Variants in RASAL2 observed in about 807,000 individuals in gnomAD.
The protein encoded by RASAL2 is ras GTPase-activating protein nGAP.
Under a neutral mutation model 128.9 loss-of-function variants are expected in RASAL2, and 58 were observed. That is an observed-to-expected ratio of 0.45 (90% CI 0.36 to 0.56). RASAL2 has a LOEUF of 0.56. RASAL2 is among the 20% of genes least tolerant of loss of function. The pLI, the probability that RASAL2 is intolerant of heterozygous loss-of-function variation, is 0.00. For synonymous variants in RASAL2, 561 were observed against 580.8 expected (o/e 0.97, Z 0.49); for missense variants, 1,360 against 1,601.6 (o/e 0.85, Z 2.57).
intron 2 of RASAL2, among the ~76,000 whole-genome samples, chr1:178,297,389 G>A (rs926872747): frequency 6.6e-6 from 1 of 151,474 alleles, no homozygotes. Flanking sequence ...ATCACCTGAG[G>A]TCAGGAGTTT....
At chr1:178,133,234 G>A (rs191070239) in intron 1 of RASAL2, among the ~76,000 whole-genome samples, 1 of 152,252 alleles carries the variant, frequency 6.6e-6, no homozygotes, top group Admixed American at 6.5e-5. Flanking sequence ...TAGTAAACTT[G>A]TCTGAGGCAT....
chr1:178,138,978 GT>G (rs889665586), intron 1 of RASAL2, among the ~76,000 whole-genome samples: 1 of 151,934 alleles, frequency 6.6e-6, no homozygotes, highest in African/African-American at 2.4e-5. Context: ...CACAAAGCAT[GT>G]TTTATTGGAC....
At chr1:178,117,474 G>A (rs1341489613) in intron 1 of RASAL2, among the ~76,000 whole-genome samples, 1 of 152,172 alleles carries the variant, frequency 6.6e-6, no homozygotes, top group Non-Finnish European at 1.5e-5. Context: ...TATAAATAAA[G>A]CACAATTAGG....
intron 2 of RASAL2, among the ~76,000 whole-genome samples, chr1:178,294,502 G>A (rs1051815013): frequency 1.3e-5 from 2 of 152,216 alleles, no homozygotes; most frequent in African/African-American, 4.8e-5. Flanking sequence ...TTAATTAAGA[G>A]ATAAATAGAG....
intron 1 of RASAL2, among the ~76,000 whole-genome samples, chr1:178,153,999 C>G (rs1660996893): frequency 6.6e-6 from 1 of 152,018 alleles, no homozygotes; most frequent in South Asian, 2.1e-4. Context: ...CCACGCCTGG[C>G]TAATTTTTGT....
intron 1 of RASAL2, among the ~76,000 whole-genome samples, chr1:178,281,136 C>T (rs1243670026): frequency 1.3e-5 from 2 of 151,584 alleles, no homozygotes; most frequent in African/African-American, 2.4e-5. Flanking sequence ...TTTTTTCCCC[C>T]CTTGGTATAC....
intron 3 of RASAL2, among the ~76,000 whole-genome samples, chr1:178,322,373 A>G (rs953475350): frequency 6.6e-6 from 1 of 151,954 alleles, no homozygotes. Context: ...ACCTATATTC[A>G]TGTTTCCAAA....
intron 1 of RASAL2, among the ~76,000 whole-genome samples, chr1:178,208,604 G>C (rs1302012255): frequency 6.6e-6 from 1 of 152,172 alleles, no homozygotes; most frequent in Non-Finnish European, 1.5e-5. Context: ...CAGTAGTTCT[G>C]CTTTTGCCCT....
At chr1:178,215,970 T>G (rs1426896062) in intron 1 of RASAL2, among the ~76,000 whole-genome samples, 1 of 152,230 alleles carries the variant, frequency 6.6e-6, no homozygotes, top group Non-Finnish European at 1.5e-5. Flanking sequence ...ATCTATTCAG[T>G]GGAACATATT....
intron 1 of RASAL2, among the ~76,000 whole-genome samples, chr1:178,173,607 C>CT (rs746436850): frequency 6.6e-6 from 1 of 152,152 alleles, no homozygotes; most frequent in Non-Finnish European, 1.5e-5. Flanking sequence ...ATGATGGAGT[C>CT]TAACAGGTAT....
At position 178,094,320 on chromosome 1, in the gene RASAL2, G is replaced by T; in HGVS notation, c.-173G>T. On this transcript the variant is annotated 5_prime_UTR_variant, in exon 1 of 18. Coordinates refer to ENST00000367649, the MANE Select transcript of RASAL2 (RefSeq NM_170692.4). ...ACTGCAGGTGGGCTGCATCGCCCGA[G>T]CCTCGGGCAGTGGGCGACGGGGAAG... 4.9e-6 allele frequency: 3 copies of T among 608,242 alleles called. No individual in the cohort carries two copies. Among genetic ancestry groups the T allele is most frequent in the Non-Finnish European group, 8.2e-6 (3 of 367,738 alleles). 37.7% of individuals were successfully genotyped at this position (608,242 alleles called of 1,614,324 possible).
chr1:178,094,407 C>G lies in RASAL2; in HGVS notation c.-86C>G. On this transcript the variant is annotated 5_prime_UTR_variant, in exon 1 of 18. Coordinates refer to ENST00000367649, the MANE Select transcript of RASAL2 (RefSeq NM_170692.4). Reference sequence around the variant, plus strand: ...CCCTGCCCTCGCTGCGCGCTCTCCTCCTCCCCTTACCGCAGGCAGGGCGCG... The same window carrying G: ...CCCTGCCCTCGCTGCGCGCTCTCCTGCTCCCCTTACCGCAGGCAGGGCGCG... 17 of 1,296,578 alleles carry G rather than the reference C, an allele frequency of 1.3e-5. No individual in the cohort carries two copies. Among genetic ancestry groups the G allele is most frequent in the Non-Finnish European group, 1.8e-5 (17 of 968,972 alleles). The allele number at this position is 1,296,578 out of a possible 1,614,324, so 80.3% of individuals were successfully genotyped here.
intron 4 of RASAL2, among the ~76,000 whole-genome samples, chr1:178,407,350 G>A (rs762322156): frequency 3.3e-5 from 5 of 152,182 alleles, no homozygotes; most frequent in South Asian, 2.1e-4. Context: ...TTAGAATTAC[G>A]TTTTAGTCAA....
At chr1:178,238,017 C>T (rs1446590346) in intron 1 of RASAL2, among the ~76,000 whole-genome samples, 5 of 152,184 alleles carry the variant, frequency 3.3e-5, no homozygotes, top group Non-Finnish European at 7.3e-5. Flanking sequence ...CAAAGCTGTA[C>T]AAGCACACCA....
chr1:178,404,840 C>T (rs942107226), intron 4 of RASAL2, among the ~76,000 whole-genome samples: 1 of 151,676 alleles, frequency 6.6e-6, no homozygotes, highest in East Asian at 1.9e-4. Flanking sequence ...TGCCACCACA[C>T]CCAGCTAATT....
chr1:178,243,041 G>T (rs1664590405), intron 1 of RASAL2, among the ~76,000 whole-genome samples: 2 of 152,004 alleles, frequency 1.3e-5, no homozygotes, highest in African/African-American at 4.8e-5. Context: ...TTGGTGTGTT[G>T]ATTTTTTAAA....
intron 1 of RASAL2, among the ~76,000 whole-genome samples, chr1:178,251,853 A>G (rs374599082): frequency 6.6e-6 from 1 of 152,206 alleles, no homozygotes; most frequent in East Asian, 1.9e-4. Context: ...AGATGGTTGC[A>G]AATATAGTCA....
chr1:178,307,805 G>A (rs1343475863), intron 3 of RASAL2, among the ~76,000 whole-genome samples: 1 of 152,186 alleles, frequency 6.6e-6, no homozygotes, highest in Non-Finnish European at 1.5e-5. Context: ...TGACATTCCG[G>A]TAAAGTTCAT....
At chr1:178,305,353 CA>C (rs1667938746) in intron 3 of RASAL2, among the ~76,000 whole-genome samples, 1 of 152,026 alleles carries the variant, frequency 6.6e-6, no homozygotes, top group East Asian at 1.9e-4. Flanking sequence ...TCATTCTGAG[CA>C]AAAGGAACAA....
Sources: gnomAD v4.1 joint callset for allele counts (sites outside exome capture counted in the v4.1 genomes callset) on GRCh38, gnomAD v4.1.1 for gene constraint, MANE v1.5 for transcripts, NCBI Gene and HGNC (gene_info 2026-07-23, HGNC 2026-07-21) for gene names.